Variants in ZEB1 observed in about 807,000 individuals in gnomAD.
ZEB1 encodes zinc finger E-box binding homeobox 1, also known as zinc finger E-box-binding homeobox 1.
In ZEB1, 21 loss-of-function variants were observed where a neutral mutation model predicts 84.9. The observed-to-expected ratio is 0.25, with a 90% CI of 0.18 to 0.36. ZEB1 has a LOEUF of 0.36. ZEB1 is among the 10% of genes least tolerant of loss of function. The pLI is 1.00. For missense variants in ZEB1, 1,104 were observed against 1,330.2 expected (o/e 0.83, Z 2.65); for synonymous variants, 420 against 471.1 (o/e 0.89, Z 1.41).
chr10:31,512,456 G>A (rs937452017), intron 5 of ZEB1, among the ~76,000 whole-genome samples: 2 of 152,140 alleles, frequency 1.3e-5, no homozygotes, highest in Non-Finnish European at 1.5e-5. Context: ...CCAGTAATGT[G>A]AGGAAATATA....
chr10:31,427,655 C>A (rs1367107570), intron 1 of ZEB1, among the ~76,000 whole-genome samples: 1 of 152,046 alleles, frequency 6.6e-6, no homozygotes, highest in Non-Finnish European at 1.5e-5. Context: ...AGATCCAGAC[C>A]ATCCTGGCTA....
At chr10:31,333,293 A>G (rs1369490683) in intron 1 of ZEB1, among the ~76,000 whole-genome samples, 2 of 151,954 alleles carry the variant, frequency 1.3e-5, no homozygotes, top group Non-Finnish European at 2.9e-5. Context: ...TAAAGTCAGC[A>G]GTGCAAGTAA....
At chr10:31,345,217 C>G (rs1288043508) in intron 1 of ZEB1, among the ~76,000 whole-genome samples, 3 of 151,910 alleles carry the variant, frequency 2.0e-5, no homozygotes, top group Non-Finnish European at 4.4e-5. Context: ...ATTTATAGTG[C>G]TCTTAAATCA....
chr10:31,495,774 A>T lies in ZEB1; in HGVS notation c.260-2A>T. The T allele has an allele frequency of 6.2e-7, 1 of 1,612,794 alleles. No individual in the cohort carries two copies. Among genetic ancestry groups the T allele is most frequent in the Non-Finnish European group, 8.5e-7 (1 of 1,179,030 alleles). The stretch of plus-strand genomic sequence containing the variant: ...CTATTTTAATTTCTTCTTTGATTTC[A>T]GCAGGAAAGGAAGGGCAAGAAATCC... On this transcript the variant is annotated splice_acceptor_variant, in intron 2 of 8. Coordinates refer to ENST00000424869, the MANE Select transcript of ZEB1 (RefSeq NM_001174096.2). LOFTEE classifies it high-confidence loss of function.
chr10:31,407,659 T>C (rs2053380935), intron 1 of ZEB1, among the ~76,000 whole-genome samples: 1 of 152,152 alleles, frequency 6.6e-6, no homozygotes, highest in Admixed American at 6.5e-5. Flanking sequence ...ATTATCTCAA[T>C]AGATGCAGAA....
At position 31,520,082 on chromosome 10, in the gene ZEB1, A is replaced by G. The variant is rs749591428; in HGVS notation, c.794-44A>G. ...GAAATGAGGATACATAAAAATTTAT[A>G]TGTAATAATTCAGTGAATATAATTT... On this transcript the variant is annotated intron_variant, in intron 6 of 8. Coordinates refer to ENST00000424869, the MANE Select transcript of ZEB1 (RefSeq NM_001174096.2). This position sits in a 1 kb window ranked among gnomAD's most constrained non-coding sequence, Gnocchi z 5.1. The G allele has an allele frequency of 3.7e-6, 6 of 1,600,562 alleles. No homozygotes were observed. The South Asian group carries it at 6.7e-5, about 18-fold the overall frequency.
At chr10:31,408,299 C>T (rs1455013008) in intron 1 of ZEB1, among the ~76,000 whole-genome samples, 2 of 150,612 alleles carry the variant, frequency 1.3e-5, no homozygotes, top group African/African-American at 2.4e-5. Flanking sequence ...GAATCAATAT[C>T]GTGAAAATGG....
Position 31,520,696 on chromosome 10 carries a change from A to G in ZEB1, c.1364A>G (p.His455Arg), listed in dbSNP as rs769956968. Residue 455 changes from histidine (H) to arginine (R), a missense_variant, in exon 7 of 9, where the codon CAT becomes CGT. By Grantham distance (29) the His-to-Arg change is conservative (BLOSUM62 0). Around this residue, in one of 7 missense-constraint regions of ZEB1, gnomAD observed 531 missense variants for 575.2 expected, o/e 0.92. Transcript: ENST00000424869. This position sits in a 1 kb window ranked among gnomAD's most constrained non-coding sequence, Gnocchi z 5.1. ...GCTTCACCCATACAACAAGGTGGCC[A>G]TTCTGTTATTTCAGCCATCAGTCTT... ...INASPIQQGG[H>R]SVISAISLPL... 3 of 1,614,116 alleles carry G rather than the reference A, an allele frequency of 1.9e-6. No individual in the cohort carries two copies. The highest frequency in any genetic ancestry group is 1.7e-6 in the Non-Finnish European group (2 of 1,179,998).
chr10:31,391,035 C>G (rs2049577239), intron 1 of ZEB1, among the ~76,000 whole-genome samples: 2 of 152,118 alleles, frequency 1.3e-5, no homozygotes, highest in Admixed American at 1.3e-4. Context: ...GTGCATGACT[C>G]AAGATGACAG....
Position 31,496,167 on chromosome 10 carries a change from G to A in ZEB1, c.322+329G>A, listed in dbSNP as rs531142895. On this transcript the variant is annotated intron_variant, in intron 3 of 8. Transcript: ENST00000424869. The stretch of plus-strand genomic sequence containing the variant: ...TTTTGACCAAAGTTAGAGAAATGCA[G>A]ATCTAACTTTTGAGTTTCGTTATTA... Among the ~76,000 whole-genome samples, 128 of 152,092 alleles carry A rather than the reference G, an allele frequency of 8.4e-4. 1 individual carries two copies. Among genetic ancestry groups the A allele is most frequent in the Non-Finnish European group, 3.1e-4 (21 of 67,962 alleles).
At chr10:31,378,310 C>G (rs888857523) in intron 1 of ZEB1, among the ~76,000 whole-genome samples, 7 of 151,172 alleles carry the variant, frequency 4.6e-5, no homozygotes, top group African/African-American at 1.7e-4. Context: ...TATGTATATA[C>G]TCATACATAC....
rs141164115 is a variant in ZEB1 at position 31,501,169 on chromosome 10, A to G, written c.323-1179A>G. ...GTGCTGTTTTACAAATTTAGACCTG[A>G]CAGTTCAGTCAGAGTCTATAAAGAA... On this transcript the variant is annotated intron_variant, in intron 3 of 8. Coordinates refer to ENST00000424869, the MANE Select transcript of ZEB1 (RefSeq NM_001174096.2). Among the ~76,000 whole-genome samples, 764 of 152,334 alleles carry G rather than the reference A, an allele frequency of 5.0e-3. 7 individuals are homozygous for G. Among genetic ancestry groups the G allele is most frequent in the Non-Finnish European group, 5.1e-3 (347 of 68,022 alleles).
chr10:31,478,842 G>T (rs756219845), intron 2 of ZEB1, among the ~76,000 whole-genome samples: 7 of 151,722 alleles, frequency 4.6e-5, no homozygotes, highest in African/African-American at 7.3e-5. Flanking sequence ...AATATCAGAC[G>T]TTGGAGACTC....
chr10:31,362,355 C>G (rs2134143035), intron 1 of ZEB1, among the ~76,000 whole-genome samples: 1 of 149,594 alleles, frequency 6.7e-6, no homozygotes, highest in South Asian at 2.1e-4. Flanking sequence ...TCCTCACTTC[C>G]CAGAGTGTAG....
intron 1 of ZEB1, among the ~76,000 whole-genome samples, chr10:31,418,814 C>A (rs2055652881): frequency 6.6e-6 from 1 of 152,080 alleles, no homozygotes; most frequent in Non-Finnish European, 1.5e-5. Context: ...GGTTGAGCGT[C>A]CCAAATCTGA....
At chr10:31,458,081 T>G (rs1185839604) in intron 1 of ZEB1, among the ~76,000 whole-genome samples, 1 of 151,996 alleles carries the variant, frequency 6.6e-6, no homozygotes, top group Non-Finnish European at 1.5e-5. Flanking sequence ...GTTTCACTGG[T>G]CAAGCATATT....
chr10:31,380,927 T>G (rs2134822117), intron 1 of ZEB1, among the ~76,000 whole-genome samples: 1 of 152,262 alleles, frequency 6.6e-6, no homozygotes, highest in South Asian at 2.1e-4. Context: ...CCTATAGGAG[T>G]TGGAGACCTT....
chr10:31,515,819 T>C (rs2070985140), intron 6 of ZEB1, among the ~76,000 whole-genome samples: 1 of 152,090 alleles, frequency 6.6e-6, no homozygotes, highest in Non-Finnish European at 1.5e-5. Flanking sequence ...TTCTGTTTCT[T>C]AGCTTCTATG....
chr10:31,409,066 C>G (rs1374573361), intron 1 of ZEB1, among the ~76,000 whole-genome samples: 1 of 152,060 alleles, frequency 6.6e-6, no homozygotes, highest in Non-Finnish European at 1.5e-5. Flanking sequence ...ACATACAACC[C>G]CATCAAAAAG....
Sources: allele counts gnomAD v4.1 joint callset (sites outside exome capture counted in the v4.1 genomes callset), GRCh38; gene constraint gnomAD v4.1.1; regional missense constraint gnomAD v4.1.1; non-coding constraint Gnocchi (gnomAD v3.1); transcripts MANE v1.5; gene names NCBI Gene and HGNC (gene_info 2026-07-23, HGNC 2026-07-21).